SORCS3: variants seen among roughly 807,000 people sequenced by gnomAD.
SORCS3 encodes VPS10 domain-containing receptor SorCS3.
In SORCS3, 57 loss-of-function variants were observed where a neutral mutation model predicts 146.3. The ratio of observed to expected loss-of-function variants is 0.39; its 90% CI spans 0.31 to 0.49. SORCS3 has a LOEUF of 0.49. Among genes scored for constraint, SORCS3 ranks in the 20% least tolerant of loss-of-function variants. SORCS3 has a pLI of 0.92. For synonymous variants in SORCS3, 653 were observed against 618.5 expected (o/e 1.06, Z -0.83); for missense variants, 1,341 against 1,575.5 (o/e 0.85, Z 2.52).
At chr10:104,867,516 A>T (rs575719530) in intron 2 of SORCS3, among the ~76,000 whole-genome samples, 2 of 152,112 alleles carry the variant, frequency 1.3e-5, no homozygotes, top group East Asian at 3.9e-4. Context: ...TCATCATGTT[A>T]ACCAGGATGG....
At chr10:104,804,491 C>T (rs1007864024) in intron 1 of SORCS3, among the ~76,000 whole-genome samples, 4 of 152,164 alleles carry the variant, frequency 2.6e-5, no homozygotes, top group Non-Finnish European at 5.9e-5. Flanking sequence ...TTTATATATT[C>T]TTCACAGTAG....
rs113608271 is a variant in SORCS3 at position 104,986,028 on chromosome 10, G to A, written c.954+8535G>A. On this transcript the variant is annotated intron_variant, in intron 4 of 26. Coordinates refer to ENST00000369701, the MANE Select transcript of SORCS3 (RefSeq NM_014978.3). ...CAGCGTTAGCCTGGGTGAGTCTTCCGTCCTTTGAAGCTTTGAAGCCAGGCA... is the reference window on the plus strand; with the variant it reads ...CAGCGTTAGCCTGGGTGAGTCTTCCATCCTTTGAAGCTTTGAAGCCAGGCA... Among the ~76,000 whole-genome samples, 1,087 of 152,270 alleles carry A rather than the reference G, an allele frequency of 7.1e-3. 7 individuals carry two copies. The highest frequency in any genetic ancestry group is 0.016 in the African/African-American group (665 of 41,558).
intron 1 of SORCS3, among the ~76,000 whole-genome samples, chr10:104,747,938 C>T (rs532077316): frequency 1.4e-3 from 220 of 152,330 alleles, no homozygotes; most frequent in Non-Finnish European, 1.9e-3. Context: ...TCCTTTATTC[C>T]CTGAGTTTCT....
chr10:105,217,988 A>C (rs568250696), intron 19 of SORCS3: 1 of 412,336 alleles, frequency 2.4e-6, no homozygotes, highest in Non-Finnish European at 4.8e-6. Context: ...ATATAGTGAA[A>C]ATCATAAGTT....
chr10:104,927,844 C>T (rs1054406507), intron 3 of SORCS3, among the ~76,000 whole-genome samples: 2 of 151,396 alleles, frequency 1.3e-5, no homozygotes, highest in Non-Finnish European at 2.9e-5. Context: ...TACCATTGCA[C>T]TCCAGCCTGG....
At chr10:104,939,015 G>GCT (rs2019286449) in intron 3 of SORCS3, among the ~76,000 whole-genome samples, 1 of 152,166 alleles carries the variant, frequency 6.6e-6, no homozygotes, top group Non-Finnish European at 1.5e-5. Context: ...CCTGAACTTG[G>GCT]CTACTGCATT....
At chr10:104,992,331 A>T (rs1235395210) in intron 4 of SORCS3, among the ~76,000 whole-genome samples, 1 of 152,208 alleles carries the variant, frequency 6.6e-6, no homozygotes, top group Non-Finnish European at 1.5e-5. Context: ...ACATCGAGGG[A>T]TCAGAGTCTA....
At chr10:104,972,544 G>C (rs1018229039) in intron 3 of SORCS3, among the ~76,000 whole-genome samples, 1 of 152,138 alleles carries the variant, frequency 6.6e-6, no homozygotes, top group Non-Finnish European at 1.5e-5. Context: ...GCATGGCAGT[G>C]GGGGAGGGAG....
At chr10:104,827,023 A>G (rs2017944512) in intron 1 of SORCS3, among the ~76,000 whole-genome samples, 1 of 152,194 alleles carries the variant, frequency 6.6e-6, no homozygotes, top group Admixed American at 6.5e-5. Flanking sequence ...ACACATCTTC[A>G]GGATCCACTT....
chr10:105,054,780 T>C (rs973681806), intron 5 of SORCS3, among the ~76,000 whole-genome samples: 5 of 152,152 alleles, frequency 3.3e-5, no homozygotes, highest in Non-Finnish European at 5.9e-5. Context: ...CCAGAACACA[T>C]TGTGTTTAAT....
chr10:104,672,885 C>G (rs994952504), intron 1 of SORCS3, among the ~76,000 whole-genome samples: 2 of 152,000 alleles, frequency 1.3e-5, no homozygotes, highest in Non-Finnish European at 2.9e-5. Flanking sequence ...TATTATGAAG[C>G]TATTTCTCCC....
chr10:105,067,264 A>G (rs756833454), intron 5 of SORCS3, among the ~76,000 whole-genome samples: 17 of 152,224 alleles, frequency 1.1e-4, no homozygotes, highest in Non-Finnish European at 2.2e-4. Flanking sequence ...TGGTGGCTCA[A>G]GCCTGTAATC....
intron 3 of SORCS3, among the ~76,000 whole-genome samples, chr10:104,929,284 T>C (rs1411160466): frequency 6.6e-6 from 1 of 152,206 alleles, no homozygotes; most frequent in Non-Finnish European, 1.5e-5. Flanking sequence ...TATGACTGGC[T>C]TTTCACCAGT....
At chr10:104,825,090 G>A (rs991909280) in intron 1 of SORCS3, among the ~76,000 whole-genome samples, 1 of 152,196 alleles carries the variant, frequency 6.6e-6, no homozygotes, top group Admixed American at 6.5e-5. Flanking sequence ...TGATGAGGTT[G>A]CTCTTTATTT....
chr10:104,871,303 A>G (rs2018516545), intron 2 of SORCS3, among the ~76,000 whole-genome samples: 1 of 152,240 alleles, frequency 6.6e-6, no homozygotes. Context: ...ATTTAGTTAC[A>G]CAAAGGGAAA....
chr10:104,835,263 C>A (rs2133540385), intron 1 of SORCS3, among the ~76,000 whole-genome samples: 1 of 152,292 alleles, frequency 6.6e-6, no homozygotes, highest in African/African-American at 2.4e-5. Context: ...AAAATACACT[C>A]CTGCAGGCAG....
intron 20 of SORCS3, among the ~76,000 whole-genome samples, chr10:105,234,146 C>T (rs572209755): frequency 2.4e-4 from 36 of 152,142 alleles, no homozygotes; most frequent in African/African-American, 5.5e-4. Flanking sequence ...TTGCAGGGTA[C>T]GGAATTCTAG....
At chr10:104,703,814 G>A (rs542301697) in intron 1 of SORCS3, among the ~76,000 whole-genome samples, 2 of 150,952 alleles carry the variant, frequency 1.3e-5, no homozygotes, top group South Asian at 2.1e-4. Flanking sequence ...AGAGGTTTTC[G>A]ACTCCATCAG....
At chr10:104,915,749 C>T (rs60053621) in intron 2 of SORCS3, 84 bp from the exon 3 acceptor site, 16 of 1,126,424 alleles carry the variant, frequency 1.4e-5, no homozygotes, top group East Asian at 4.7e-5. Flanking sequence ...GCTGGTCGGT[C>T]GAGGGAGAAC....
Sources: gnomAD v4.1 joint callset for allele counts (sites outside exome capture counted in the v4.1 genomes callset) on GRCh38, gnomAD v4.1.1 for gene constraint, MANE v1.5 for transcripts, NCBI Gene and HGNC (gene_info 2026-07-23, HGNC 2026-07-21) for gene names.